The following ANK2 variants were observed in gnomAD, a reference collection of about 807,000 sequenced individuals.
The protein encoded by ANK2 is ankyrin 2.
A neutral mutation model predicts 360.5 loss-of-function variants in ANK2; 83 were observed. The observed-to-expected ratio is 0.23, with a 90% CI of 0.19 to 0.28. The LOEUF is 0.28. Ranked by LOEUF, ANK2 falls within the 10% of genes least tolerant of loss-of-function variation. ANK2 has a pLI of 1.00. For missense variants in ANK2, 4,201 were observed against 4,795.7 expected (o/e 0.88, Z 3.66); for synonymous variants, 1,740 against 1,759.5 (o/e 0.99, Z 0.28).
intron 1 of ANK2, among the ~76,000 whole-genome samples, chr4:113,140,453 T>C (rs1422150818): frequency 6.6e-6 from 1 of 152,176 alleles, no homozygotes; most frequent in Non-Finnish European, 1.5e-5. Context: ...ATATAAAGTA[T>C]TGACTAAATA....
chr4:112,773,060 G>A, the ANK2 span, among the ~76,000 whole-genome samples: 20 of 152,014 alleles, frequency 1.3e-4, no homozygotes, highest in South Asian at 2.1e-4. Flanking sequence ...GCTCATACCC[G>A]AAATCCCAAA....
chr4:112,823,535 T>C (rs1258239781), intron 1 of ANK2, among the ~76,000 whole-genome samples: 3 of 148,302 alleles, frequency 2.0e-5, no homozygotes, highest in Non-Finnish European at 4.4e-5. Flanking sequence ...AATAAAGATA[T>C]CATTTATTTC....
intron 39 of ANK2, 77 bp downstream of exon 39, chr4:113,360,974 G>T: frequency 2.4e-6 from 3 of 1,271,312 alleles, no homozygotes; most frequent in South Asian, 2.5e-5. Flanking sequence ...CAGCATAAAA[G>T]GTACCCCCCA....
chr4:113,108,969 C>G (rs1422443383), intron 1 of ANK2, among the ~76,000 whole-genome samples: 1 of 152,130 alleles, frequency 6.6e-6, no homozygotes, highest in Non-Finnish European at 1.5e-5. Flanking sequence ...ACATCATTAT[C>G]AAAACTTTGT....
At chr4:112,749,499 A>G in the ANK2 span, among the ~76,000 whole-genome samples, 1 of 152,164 alleles carries the variant, frequency 6.6e-6, no homozygotes, top group Admixed American at 6.5e-5. Context: ...AAATGTATGG[A>G]AACTCATGAG....
rs148339577 is a variant in ANK2, at chr4:113,106,948, A to T, written c.84+57136A>T. ...TGCTTTGGTAATAAATCTATTTTTA[A>T]AAGAACCTATTACAGAGACTTCCAT... On this transcript the variant is annotated intron_variant, in intron 1 of 45. Coordinates refer to ENST00000357077, the MANE Select transcript of ANK2 (RefSeq NM_001148.6). 277 of 532,000 alleles carry T rather than the reference A, an allele frequency of 5.2e-4. 3 individuals are homozygous for T. The highest frequency in any genetic ancestry group is 4.2e-3 in the East Asian group (76 of 18,312). 33.0% of individuals were successfully genotyped at this position (532,000 alleles called of 1,614,324 possible).
chr4:113,281,843 C>T lies in ANK2; in HGVS notation c.1882-832C>T, dbSNP rs2062524630. Among the ~76,000 whole-genome samples, 4 of 152,016 alleles carry T rather than the reference C, an allele frequency of 2.6e-5. No homozygotes were observed. In the South Asian group the frequency reaches 8.3e-4, roughly 32 times the overall value. On this transcript the variant is annotated intron_variant, in intron 17 of 45. Coordinates refer to ENST00000357077, the MANE Select transcript of ANK2 (RefSeq NM_001148.6). ...CAAACTCCCGCCCGAAATAAGTAGC[C>T]TCATATTTGTACTTTCAAAGCAGCA...
chr4:113,211,615 C>T (rs1174001231), intron 4 of ANK2, among the ~76,000 whole-genome samples: 3 of 152,112 alleles, frequency 2.0e-5, no homozygotes, highest in Admixed American at 2.0e-4. Flanking sequence ...GTGAGAGCCT[C>T]TTACATTCTT....
intron 4 of ANK2, among the ~76,000 whole-genome samples, chr4:113,225,927 G>A (rs1304390528): frequency 6.6e-6 from 1 of 152,110 alleles, no homozygotes; most frequent in Non-Finnish European, 1.5e-5. Flanking sequence ...CTAAAATACA[G>A]CATGATTTCT....
chr4:113,014,875 T>C (rs958739673), intron 2 of ANK2, among the ~76,000 whole-genome samples: 1 of 89,290 alleles, frequency 1.1e-5, no homozygotes, highest in South Asian at 3.7e-4. Flanking sequence ...TTTTTTTTTT[T>C]TGAGACGGAG....
At chr4:112,865,471 G>A (rs537773773) in intron 1 of ANK2, among the ~76,000 whole-genome samples, 39 of 152,204 alleles carry the variant, frequency 2.6e-4, no homozygotes, top group African/African-American at 9.4e-4. Flanking sequence ...TATATGAAAA[G>A]TATTACTATG....
At chr4:113,255,630 T>C (rs1243994867) in intron 10 of ANK2, 105 bp from the exon 11 acceptor site, 1 of 1,147,602 alleles carries the variant, frequency 8.7e-7, no homozygotes. Flanking sequence ...TTTTTTCCCC[T>C]GCCACTAACT....
chr4:112,892,464 C>T (rs77186481), intron 1 of ANK2, among the ~76,000 whole-genome samples: 1,695 of 152,260 alleles, frequency 0.011, 20 homozygotes, highest in African/African-American at 0.03. Flanking sequence ...ATATAACATC[C>T]TGCTTATTAT....
At chr4:112,917,158 A>G (rs1306876164) in intron 2 of ANK2, among the ~76,000 whole-genome samples, 2 of 152,250 alleles carry the variant, frequency 1.3e-5, no homozygotes, top group African/African-American at 2.4e-5. Flanking sequence ...GTGGTGTCCA[A>G]GAACCACACA....
At chr4:112,864,864 C>G (rs1187629046) in intron 1 of ANK2, among the ~76,000 whole-genome samples, 3 of 150,370 alleles carry the variant, frequency 2.0e-5, no homozygotes, top group African/African-American at 7.3e-5. Context: ...AACCCCGTCT[C>G]TACTAAAAAT....
chr4:112,944,055 C>G (rs909998158), intron 2 of ANK2, among the ~76,000 whole-genome samples: 1 of 152,088 alleles, frequency 6.6e-6, no homozygotes, highest in Non-Finnish European at 1.5e-5. Flanking sequence ...GTCCATTGAA[C>G]TAATATTTAT....
At chr4:113,345,149 T>C (rs1186964475) in intron 34 of ANK2, among the ~76,000 whole-genome samples, 3 of 152,198 alleles carry the variant, frequency 2.0e-5, no homozygotes, top group Admixed American at 6.5e-5. Context: ...TGATGCAATA[T>C]GAATGAACTT....
chr4:112,973,128 A>G (rs1365388747), intron 2 of ANK2, among the ~76,000 whole-genome samples: 4 of 151,172 alleles, frequency 2.6e-5, no homozygotes, highest in Admixed American at 1.3e-4. Context: ...CAAAGAACTT[A>G]TCTGTGTAAC....
intron 1 of ANK2, among the ~76,000 whole-genome samples, chr4:112,830,477 G>A (rs950379553): frequency 6.6e-5 from 10 of 152,316 alleles, no homozygotes; most frequent in African/African-American, 2.4e-4. Context: ...CATAAAGAAG[G>A]GAACATTAGA....
Sources: allele counts gnomAD v4.1 joint callset (sites outside exome capture counted in the v4.1 genomes callset), GRCh38; gene constraint gnomAD v4.1.1; transcripts MANE v1.5; gene names NCBI Gene and HGNC (gene_info 2026-07-23, HGNC 2026-07-21).